HIVEP1: variants seen among roughly 807,000 people sequenced by gnomAD.
HIVEP1 encodes the protein HIVEP zinc finger 1, also known as zinc finger protein 40.
In HIVEP1, 36 loss-of-function variants were observed where a neutral mutation model predicts 180.0. The ratio of observed to expected loss-of-function variants is 0.20; its 90% CI spans 0.15 to 0.26. The LOEUF (loss-of-function observed/expected upper bound fraction) is 0.26. HIVEP1 is among the 10% of genes least tolerant of loss of function. HIVEP1 has a pLI of 1.00. For missense variants in HIVEP1, 3,143 were observed against 3,268.7 expected, an observed-to-expected ratio of 0.96 and a Z score of 0.94; for synonymous variants, 1,239 against 1,239.0, an observed-to-expected ratio of 1.00 and a Z score of 0.00.
At chr6:12,180,536 T>C in the HIVEP1 span, among the ~76,000 whole-genome samples, 1 of 152,238 alleles carries the variant, frequency 6.6e-6, no homozygotes, top group Non-Finnish European at 1.5e-5. Flanking sequence ...AAAATTATTA[T>C]TGTTTCTTAA....
chr6:12,179,215 C>T, the HIVEP1 span, among the ~76,000 whole-genome samples: 6 of 152,152 alleles, frequency 3.9e-5, no homozygotes, highest in South Asian at 6.2e-4. Flanking sequence ...GTTTTCTACC[C>T]GAGTTGGGAA....
chr6:12,114,377 C>T (rs544499402), intron 3 of HIVEP1, among the ~76,000 whole-genome samples: 8 of 152,298 alleles, frequency 5.3e-5, no homozygotes, highest in Non-Finnish European at 1.2e-4. Context: ...AGTTTCTAAA[C>T]CCCCACTTCC....
downstream of HIVEP1, among the ~76,000 whole-genome samples, chr6:12,166,521 T>C (rs1486573986): frequency 6.6e-6 from 1 of 152,248 alleles, no homozygotes; most frequent in Non-Finnish European, 1.5e-5. Context: ...AGCTTTATTG[T>C]AGCCTTTCAA....
chr6:12,203,309 T>C, the HIVEP1 span, among the ~76,000 whole-genome samples: 1 of 152,206 alleles, frequency 6.6e-6, no homozygotes, highest in Non-Finnish European at 1.5e-5. Context: ...CACAGGAGAA[T>C]GCTGGGGTCG....
intron 2 of HIVEP1, among the ~76,000 whole-genome samples, chr6:12,054,243 A>G (rs1325462398): frequency 6.6e-6 from 1 of 152,234 alleles, no homozygotes; most frequent in East Asian, 1.9e-4. Context: ...TGCTGTGGAA[A>G]CTATGGTATG....
intron 7 of HIVEP1, among the ~76,000 whole-genome samples, chr6:12,148,306 C>T (rs903081330): frequency 5.9e-5 from 9 of 152,268 alleles, no homozygotes; most frequent in Non-Finnish European, 7.4e-5. Context: ...CACCCCGATG[C>T]GTCTCCACCT....
chr6:12,198,104 G>A, the HIVEP1 span, among the ~76,000 whole-genome samples: 1,923 of 152,290 alleles, frequency 0.013, 16 homozygotes, highest in Non-Finnish European at 0.022. Flanking sequence ...AGCACACAGA[G>A]GATGCATATT....
At chr6:12,024,987 C>G (rs147525944) in intron 2 of HIVEP1, among the ~76,000 whole-genome samples, 48 of 152,356 alleles carry the variant, frequency 3.2e-4, no homozygotes, top group East Asian at 7.7e-4. Flanking sequence ...GCGAACCTTT[C>G]CACAGGTCTC....
At chr6:12,079,976 C>A (rs564645274) in intron 2 of HIVEP1, among the ~76,000 whole-genome samples, 1 of 149,626 alleles carries the variant, frequency 6.7e-6, no homozygotes, top group African/African-American at 2.5e-5. Flanking sequence ...ATCTATCTAT[C>A]TATATCTGGT....
chr6:12,023,166 C>T (rs1768358082), intron 2 of HIVEP1, among the ~76,000 whole-genome samples: 1 of 152,144 alleles, frequency 6.6e-6, no homozygotes, highest in Admixed American at 6.5e-5. Flanking sequence ...AAGAGAAGCC[C>T]AGCCGGGGTT....
At chr6:12,092,258 G>A (rs949627088) in intron 3 of HIVEP1, among the ~76,000 whole-genome samples, 100 of 152,204 alleles carry the variant, frequency 6.6e-4, no homozygotes, top group African/African-American at 2.3e-3. Context: ...TGTCATATAA[G>A]TATGTACCCC....
intron 7 of HIVEP1, among the ~76,000 whole-genome samples, chr6:12,142,081 A>G (rs1759072862): frequency 6.6e-6 from 1 of 152,218 alleles, no homozygotes; most frequent in Non-Finnish European, 1.5e-5. Flanking sequence ...GAGAATATAC[A>G]TTCTTCTCAG....
intron 2 of HIVEP1, among the ~76,000 whole-genome samples, chr6:12,066,721 G>A (rs1771613218): frequency 6.6e-6 from 1 of 152,122 alleles, no homozygotes; most frequent in Non-Finnish European, 1.5e-5. Flanking sequence ...ATAAATATTT[G>A]TTCGGAACCA....
chr6:12,186,904 A>G, the HIVEP1 span, among the ~76,000 whole-genome samples: 1 of 152,130 alleles, frequency 6.6e-6, no homozygotes, highest in East Asian at 1.9e-4. Context: ...TTTTAGCGAA[A>G]AGATGAATTT....
chr6:12,116,663 A>G (rs1172489293), intron 3 of HIVEP1, among the ~76,000 whole-genome samples: 1 of 152,158 alleles, frequency 6.6e-6, no homozygotes, highest in Non-Finnish European at 1.5e-5. Context: ...AGGACAGTGA[A>G]CCTGTTAAAG....
chr6:12,165,864 G>A (rs542399655), downstream of HIVEP1, among the ~76,000 whole-genome samples: 92 of 152,274 alleles, frequency 6.0e-4, 1 homozygote, highest in South Asian at 0.017. Flanking sequence ...CCAGCTTCAC[G>A]TCTGTGACTT....
At chr6:12,096,307 G>T (rs1773779416) in intron 3 of HIVEP1, among the ~76,000 whole-genome samples, 1 of 151,954 alleles carries the variant, frequency 6.6e-6, no homozygotes, top group African/African-American at 2.4e-5. Flanking sequence ...ATTCATATTT[G>T]CTCTGAAAAG....
intron 3 of HIVEP1, among the ~76,000 whole-genome samples, chr6:12,115,642 C>G (rs1775169562): frequency 6.6e-6 from 1 of 152,102 alleles, no homozygotes; most frequent in South Asian, 2.1e-4. Flanking sequence ...CAGTGGCTGC[C>G]TGACTCCTAT....
chr6:12,069,823 C>A (rs967877308), intron 2 of HIVEP1, among the ~76,000 whole-genome samples: 1 of 151,846 alleles, frequency 6.6e-6, no homozygotes, highest in Admixed American at 6.6e-5. Context: ...CTTTTTGACT[C>A]TTCTATGATA....
Sources: allele counts gnomAD v4.1 joint callset (sites outside exome capture counted in the v4.1 genomes callset), GRCh38; gene constraint gnomAD v4.1.1; transcripts MANE v1.5; gene names NCBI Gene and HGNC (gene_info 2026-07-23, HGNC 2026-07-21).